Variants in CADPS2 observed in about 807,000 individuals in gnomAD.
The protein encoded by CADPS2 is calcium dependent secretion activator 2, also known as calcium-dependent secretion activator 2.
In CADPS2, 93 loss-of-function variants were observed where a neutral mutation model predicts 172.5. The ratio of observed to expected loss-of-function variants is 0.54; its 90% CI spans 0.46 to 0.64. CADPS2 has a LOEUF of 0.64. CADPS2 is among the 30% of genes least tolerant of loss of function. CADPS2 has a pLI of 0.00. For synonymous variants in CADPS2, 546 were observed against 555.2 expected (o/e 0.98, Z 0.23); for missense variants, 1,420 against 1,565.9 (o/e 0.91, Z 1.57).
At chr7:122,717,998 T>A (rs2089876913) in intron 2 of CADPS2, among the ~76,000 whole-genome samples, 1 of 120,686 alleles carries the variant, frequency 8.3e-6, no homozygotes, top group African/African-American at 3.6e-5. Context: ...TTTTTTTTTT[T>A]TTTTTTTTTT....
chr7:122,388,855 GTCTC>G (rs1433592513), intron 22 of CADPS2, 117 bp from the exon 23 acceptor site: 1 of 903,362 alleles, frequency 1.1e-6, no homozygotes, highest in Non-Finnish European at 1.6e-6. Context: ...ACCATATAAA[GTCTC>G]TAATGATCCA....
intron 3 of CADPS2, among the ~76,000 whole-genome samples, chr7:122,655,172 A>G (rs2079597276): frequency 6.6e-6 from 1 of 152,206 alleles, no homozygotes; most frequent in African/African-American, 2.4e-5. Flanking sequence ...GATGCTGTGA[A>G]CACTGTTGAA....
At chr7:122,867,804 G>A (rs1392755487) in intron 1 of CADPS2, among the ~76,000 whole-genome samples, 1 of 152,158 alleles carries the variant, frequency 6.6e-6, no homozygotes, top group African/African-American at 2.4e-5. Flanking sequence ...AAAGAGATGG[G>A]AGGCCTCTGC....
chr7:122,362,483 T>A (rs974151584), intron 25 of CADPS2, among the ~76,000 whole-genome samples: 8 of 151,928 alleles, frequency 5.3e-5, no homozygotes, highest in African/African-American at 1.7e-4. Context: ...TCTAAAACTT[T>A]ATATTTCTAT....
At chr7:122,640,715 A>G (rs2077542767) in intron 3 of CADPS2, among the ~76,000 whole-genome samples, 1 of 152,146 alleles carries the variant, frequency 6.6e-6, no homozygotes, top group African/African-American at 2.4e-5. Context: ...GCGGATCACA[A>G]GGTCAGGAGA....
intron 8 of CADPS2, among the ~76,000 whole-genome samples, chr7:122,549,777 C>T (rs1465525390): frequency 1.3e-5 from 2 of 151,962 alleles, no homozygotes; most frequent in African/African-American, 4.8e-5. Flanking sequence ...AGGTTCAAGT[C>T]AAGGTCAGAT....
intron 27 of CADPS2, among the ~76,000 whole-genome samples, chr7:122,357,589 T>C (rs1208029273): frequency 6.6e-6 from 1 of 152,210 alleles, no homozygotes; most frequent in Non-Finnish European, 1.5e-5. Context: ...TACAATATCA[T>C]ACAGAATAGT....
At chr7:122,853,019 C>T (rs922604560) in intron 1 of CADPS2, among the ~76,000 whole-genome samples, 1 of 152,176 alleles carries the variant, frequency 6.6e-6, no homozygotes, top group Admixed American at 6.5e-5. Flanking sequence ...AGGGAAGTGA[C>T]TTGCATTAGG....
intron 1 of CADPS2, among the ~76,000 whole-genome samples, chr7:122,804,580 T>C (rs998976461): frequency 7.2e-5 from 11 of 152,328 alleles, no homozygotes; most frequent in African/African-American, 1.2e-4. Flanking sequence ...CTAGAGTGTG[T>C]AGTGTAAGAA....
In CADPS2 at chr7:122,474,536, A is replaced by G; in HGVS notation, c.1862-19T>C. 1.2e-6 allele frequency: 2 copies of G among 1,607,684 alleles called. No individual in the cohort carries two copies. Among genetic ancestry groups the G allele is most frequent in the South Asian group, 2.2e-5 (2 of 90,482 alleles). ...TCTGCATCTGTAAATTCAGGAAAGC[A>G]TGTACAGTATATTTACTTTTCAGGC... On this transcript the variant is annotated intron_variant, in intron 12 of 29. Transcript: ENST00000449022.
intron 1 of CADPS2, among the ~76,000 whole-genome samples, chr7:122,882,591 TCTAA>T (rs935881125): frequency 6.6e-6 from 1 of 151,248 alleles, no homozygotes; most frequent in Non-Finnish European, 1.5e-5. Flanking sequence ...TCAGGATCTC[TCTAA>T]CTTTCAAACC....
At chr7:122,736,922 C>G in intron 2 of CADPS2, 33 bp downstream of exon 2, 1 of 1,124,960 alleles carries the variant, frequency 8.9e-7, no homozygotes, top group East Asian at 2.4e-5. Flanking sequence ...TAAAATGCAT[C>G]GGAAAGCCAA....
intron 1 of CADPS2, among the ~76,000 whole-genome samples, chr7:122,738,276 G>A (rs190845913): frequency 5.1e-4 from 78 of 152,158 alleles, no homozygotes; most frequent in Non-Finnish European, 6.8e-4. Context: ...ATTTCAAGAC[G>A]GCAGGAACAG....
intron 1 of CADPS2, among the ~76,000 whole-genome samples, chr7:122,879,236 CAAAA>C (rs34464177): frequency 1.1e-4 from 9 of 80,944 alleles, no homozygotes; most frequent in Admixed American, 4.0e-4. Flanking sequence ...TACTCTGCCT[CAAAA>C]AAAAAAAAAA....
intron 1 of CADPS2, among the ~76,000 whole-genome samples, chr7:122,824,922 G>T (rs1419955371): frequency 2.0e-5 from 3 of 152,044 alleles, no homozygotes; most frequent in African/African-American, 7.2e-5. Flanking sequence ...TTATTAAAAA[G>T]TCCATCTTTT....
At chr7:122,439,401 A>T (rs1304319703) in intron 16 of CADPS2, 1 of 152,176 alleles carries the variant, frequency 6.6e-6, no homozygotes, top group African/African-American at 2.4e-5. Flanking sequence ...TAATATAGAG[A>T]AGACAATGCT....
intron 1 of CADPS2, among the ~76,000 whole-genome samples, chr7:122,744,782 C>T (rs558076278): frequency 3.3e-5 from 5 of 152,254 alleles, no homozygotes; most frequent in South Asian, 2.1e-4. Flanking sequence ...AAGTGAATGA[C>T]GCCTACCCAC....
chr7:122,820,802 G>A lies in CADPS2; in HGVS notation c.339+65197C>T, dbSNP rs1457990958. Among the ~76,000 whole-genome samples, 12 of 136,656 alleles carry A rather than the reference G, an allele frequency of 8.8e-5. 1 individual carries two copies. The highest frequency in any genetic ancestry group is 2.1e-4 in the East Asian group (1 of 4,870). The allele number at this position is 136,656 out of a possible 152,430, so 89.7% of individuals were successfully genotyped here. A position where few individuals can be genotyped will look rare whatever the true frequency, so the allele number is the denominator to read the frequency against. ...TCTCGATCTCCTGACCTCGTGATCC[G>A]CCCGCCTCGGCCTCCCAAAGTGCTG... On this transcript the variant is annotated intron_variant, in intron 1 of 29. Transcript: ENST00000449022.
At chr7:122,621,433 C>T (rs2075597275) in intron 5 of CADPS2, 48 bp downstream of exon 5, 1 of 1,173,664 alleles carries the variant, frequency 8.5e-7, no homozygotes, top group Non-Finnish European at 1.2e-6. Context: ...AATTATTGTG[C>T]ATCATCATTT....
Sources: allele counts gnomAD v4.1 joint callset (sites outside exome capture counted in the v4.1 genomes callset), GRCh38; gene constraint gnomAD v4.1.1; transcripts MANE v1.5; gene names NCBI Gene and HGNC (gene_info 2026-07-23, HGNC 2026-07-21).